MAST4: variants seen among roughly 807,000 people sequenced by gnomAD.
MAST4 encodes microtubule associated serine/threonine kinase family member 4, also known as microtubule-associated serine/threonine-protein kinase 4.
Under a neutral mutation model 162.7 loss-of-function variants are expected in MAST4, and 89 were observed. That is an observed-to-expected ratio of 0.55 (90% CI 0.46 to 0.65). The LOEUF (loss-of-function observed/expected upper bound fraction) is 0.65, where lower values mean the gene tolerates loss of function less well. MAST4 is among the 30% of genes least tolerant of loss of function. The pLI is 0.00. For missense variants in MAST4, 3,153 were observed against 3,374.0 expected, an observed-to-expected ratio of 0.93 and a Z score of 1.62; for synonymous variants, 1,479 against 1,361.1, an observed-to-expected ratio of 1.09 and a Z score of -1.91.
intron 2 of MAST4, among the ~76,000 whole-genome samples, chr5:66,781,317 T>C (rs1754860271): frequency 6.6e-6 from 1 of 152,208 alleles, no homozygotes; most frequent in South Asian, 2.1e-4. Flanking sequence ...TGGGAGCTGC[T>C]CTGAGAGCTT....
intron 1 of MAST4, among the ~76,000 whole-genome samples, chr5:66,710,407 C>A (rs1750419556): frequency 6.6e-6 from 1 of 152,132 alleles, no homozygotes; most frequent in Admixed American, 6.5e-5. Flanking sequence ...TTAGTAGCAT[C>A]TTGACCTTGT....
At chr5:67,027,434 A>G (rs1232727826) in intron 4 of MAST4, among the ~76,000 whole-genome samples, 1 of 152,182 alleles carries the variant, frequency 6.6e-6, no homozygotes. Context: ...CTGGAGGGCT[A>G]ATGATACCTC....
chr5:66,659,944 T>G (rs552071364), intron 1 of MAST4, among the ~76,000 whole-genome samples: 11 of 148,916 alleles, frequency 7.4e-5, no homozygotes, highest in Middle Eastern at 3.4e-3. Flanking sequence ...TGTGAAGACA[T>G]AGAGATGTGG....
intron 5 of MAST4, among the ~76,000 whole-genome samples, chr5:67,077,983 C>T (rs569369851): frequency 1.4e-4 from 21 of 152,204 alleles, no homozygotes; most frequent in African/African-American, 5.1e-4. Flanking sequence ...CCTGTATTCC[C>T]AGCTACTAGG....
intron 3 of MAST4, chr5:66,870,897 G>T: frequency 2.1e-6 from 1 of 470,288 alleles, no homozygotes; most frequent in Non-Finnish European, 4.4e-6. Context: ...GCATGGCGGC[G>T]TGGTCCCGCT....
chr5:66,893,903 T>C (rs899929175), intron 3 of MAST4, among the ~76,000 whole-genome samples: 1 of 152,188 alleles, frequency 6.6e-6, no homozygotes, highest in Non-Finnish European at 1.5e-5. Flanking sequence ...TTTTTTGTCC[T>C]CTGCTTCTGC....
chr5:66,736,334 G>A (rs1273826416), intron 1 of MAST4, among the ~76,000 whole-genome samples: 1 of 98,782 alleles, frequency 1.0e-5, no homozygotes, highest in Admixed American at 1.0e-4. Context: ...TTTTTTTTTT[G>A]GTCCTTGTAT....
chr5:66,947,941 T>C (rs1177637137), intron 4 of MAST4, among the ~76,000 whole-genome samples: 1 of 152,128 alleles, frequency 6.6e-6, no homozygotes, highest in African/African-American at 2.4e-5. Context: ...CTGGAGACTT[T>C]TTAAAAAATC....
intron 3 of MAST4, among the ~76,000 whole-genome samples, chr5:66,802,490 G>A (rs1477678754): frequency 3.9e-5 from 6 of 152,018 alleles, no homozygotes; most frequent in South Asian, 2.1e-4. Flanking sequence ...CATTTCTATC[G>A]TTGACTTTAA....
At chr5:66,807,062 G>T (rs960307920) in intron 3 of MAST4, among the ~76,000 whole-genome samples, 7 of 152,082 alleles carry the variant, frequency 4.6e-5, no homozygotes, top group Admixed American at 3.9e-4. Flanking sequence ...TACATAATAG[G>T]TGCATATAGT....
At chr5:67,068,405 A>T (rs1410275521) in intron 5 of MAST4, among the ~76,000 whole-genome samples, 4 of 152,188 alleles carry the variant, frequency 2.6e-5, no homozygotes, top group Non-Finnish European at 5.9e-5. Context: ...GGGCGGCAGG[A>T]AAGAGTGAGA....
In MAST4 at chr5:66,976,700, C is replaced by T. The variant is rs76056248; in HGVS notation, c.674+76718C>T. Among the ~76,000 whole-genome samples, 636 of 152,316 alleles carry T rather than the reference C, an allele frequency of 4.2e-3. 2 individuals are homozygous for T. Among genetic ancestry groups the T allele is most frequent in the African/African-American group, 0.014 (594 of 41,556 alleles). On this transcript the variant is annotated intron_variant, in intron 4 of 28. Coordinates refer to ENST00000403625, the MANE Select transcript of MAST4 (RefSeq NM_001164664.2). ...TCAGGAGGGAGATCTGGACAATTAACATCCCCACAGTGTTGATCTGGAGAT... is the reference window on the plus strand; with the variant it reads ...TCAGGAGGGAGATCTGGACAATTAATATCCCCACAGTGTTGATCTGGAGAT...
At chr5:67,056,513 T>G (rs1205933343) in intron 5 of MAST4, among the ~76,000 whole-genome samples, 1 of 152,254 alleles carries the variant, frequency 6.6e-6, no homozygotes, top group Non-Finnish European at 1.5e-5. Context: ...ATTCATCTTT[T>G]ATAGCTGTGA....
At chr5:66,836,884 A>G (rs1357658521) in intron 3 of MAST4, among the ~76,000 whole-genome samples, 1 of 152,188 alleles carries the variant, frequency 6.6e-6, no homozygotes, top group Non-Finnish European at 1.5e-5. Context: ...CTAAACTCTC[A>G]TAACACACAA....
intron 4 of MAST4, among the ~76,000 whole-genome samples, chr5:67,035,642 G>C (rs152635): frequency 0.44 from 67,094 of 151,850 alleles, 15,581 homozygotes; most frequent in African/African-American, 0.57. Context: ...CCTTGATGCC[G>C]GTGGTGGGCA....
In MAST4 at chr5:67,003,755, A is replaced by G. The variant is rs531814677; in HGVS notation, c.675-50649A>G. 6 of 152,278 alleles carry G rather than the reference A, an allele frequency of 3.9e-5. No individual in the cohort carries two copies. The East Asian group carries it at 1.2e-3, about 29-fold the overall frequency. The allele number at this position is 152,278 out of a possible 1,614,324, so 9.4% of individuals were successfully genotyped here. A position where few individuals can be genotyped will look rare whatever the true frequency, so the allele number is the denominator to read the frequency against. ...TCAGCCCCCTTCATTCTGCCCTTTC[A>G]AGGTCTAACGTACTTGAAGGGGCAA... On this transcript the variant is annotated intron_variant, in intron 4 of 28. Coordinates refer to ENST00000403625, the MANE Select transcript of MAST4 (RefSeq NM_001164664.2).
chr5:67,018,192 A>G lies in MAST4; in HGVS notation c.675-36212A>G, dbSNP rs184984889. ...TACCAGAAAAATGCATCAGAATGGG[A>G]TACTTGAAAGATAAGCAAACTAAAT... On this transcript the variant is annotated intron_variant, in intron 4 of 28. Coordinates refer to ENST00000403625, the MANE Select transcript of MAST4 (RefSeq NM_001164664.2). Among the ~76,000 whole-genome samples, 75 of 152,262 alleles carry G rather than the reference A, an allele frequency of 4.9e-4. 1 individual carries two copies. Among genetic ancestry groups the G allele is most frequent in the Admixed American group, 4.8e-3 (74 of 15,300 alleles).
intron 1 of MAST4, among the ~76,000 whole-genome samples, chr5:66,646,109 C>G (rs771409484): frequency 6.6e-6 from 1 of 152,064 alleles, no homozygotes; most frequent in Non-Finnish European, 1.5e-5. Flanking sequence ...TTTTTGTAGT[C>G]GAATTCCCCC....
At chr5:66,664,784 A>G (rs946793361) in intron 1 of MAST4, among the ~76,000 whole-genome samples, 1 of 152,140 alleles carries the variant, frequency 6.6e-6, no homozygotes, top group African/African-American at 2.4e-5. Flanking sequence ...AGTATGTTCA[A>G]TGAATTAAAA....
Sources: gnomAD v4.1 joint callset for allele counts (sites outside exome capture counted in the v4.1 genomes callset) on GRCh38, gnomAD v4.1.1 for gene constraint, MANE v1.5 for transcripts, NCBI Gene and HGNC (gene_info 2026-07-23, HGNC 2026-07-21) for gene names.